Variants in ELP1 observed in about 807,000 individuals in gnomAD.
ELP1 encodes the protein elongator acetyltransferase complex subunit 1, also known as elongator complex protein 1.
In ELP1, 131 loss-of-function variants were observed where a neutral mutation model predicts 183.2. The ratio of observed to expected loss-of-function variants is 0.72; its 90% CI spans 0.62 to 0.83. The LOEUF is 0.83. Ranked by LOEUF, ELP1 falls within the 40% of genes least tolerant of loss-of-function variation. The pLI is 0.00. For missense variants in ELP1, 1,550 were observed against 1,594.9 expected, an observed-to-expected ratio of 0.97 and a Z score of 0.48; for synonymous variants, 555 against 569.0, an observed-to-expected ratio of 0.98 and a Z score of 0.35.
chr9:108,907,148 C>A (rs1587903455), intron 13 of ELP1, among the ~76,000 whole-genome samples: 1 of 152,254 alleles, frequency 6.6e-6, no homozygotes, highest in East Asian at 1.9e-4. Context: ...GAGGATCAGT[C>A]CCACCTCTGG....
In ELP1 at chr9:108,879,989, A is replaced by T. The variant is rs952030874; in HGVS notation, c.3460+63T>A. The stretch of plus-strand genomic sequence containing the variant: ...AGGCGGATCACCAAGCAATCTAGAC[A>T]ATGTGTGGCGTTACCCAACCCCACT... On this transcript the variant is annotated intron_variant, in intron 32 of 36. Transcript: ENST00000374647. 63 of 1,020,336 alleles carry T rather than the reference A, an allele frequency of 6.2e-5. No individual in the cohort carries two copies. The South Asian group carries it at 8.0e-4, about 13-fold the overall frequency. 63.2% of individuals were successfully genotyped at this position (1,020,336 alleles called of 1,614,324 possible).
At chr9:108,885,637 G>A (rs551857953) in intron 29 of ELP1, among the ~76,000 whole-genome samples, 9 of 152,342 alleles carry the variant, frequency 5.9e-5, no homozygotes, top group African/African-American at 2.2e-4. Context: ...GTCAGGTGTT[G>A]GAGTAGCTGA....
chr9:108,881,312 T>C (rs563294674), intron 31 of ELP1, among the ~76,000 whole-genome samples: 2 of 152,338 alleles, frequency 1.3e-5, no homozygotes, highest in South Asian at 2.1e-4. Context: ...GGCAGAGATA[T>C]GATCCTTCAT....
At chr9:108,877,907 A>G (rs1827760296) in intron 35 of ELP1, 88 bp downstream of exon 35, 1 of 1,371,034 alleles carries the variant, frequency 7.3e-7, no homozygotes, top group Non-Finnish European at 1.0e-6. Context: ...TTTTAAGAAC[A>G]GGAAAACTTT....
At chr9:108,896,365 T>C (rs1828546311) in intron 25 of ELP1, 131 bp downstream of exon 25, 3 of 817,926 alleles carry the variant, frequency 3.7e-6, no homozygotes. Context: ...CCCTAGAAAC[T>C]CACAGATCTG....
chr9:108,869,061 A>G lies in ELP1; in HGVS notation c.*54T>C. On this transcript the variant is annotated 3_prime_UTR_variant, in exon 37 of 37. Coordinates refer to ENST00000374647, the MANE Select transcript of ELP1 (RefSeq NM_003640.5). ...TCAAAGAGCAAGGGGTGGTAGGACA[A>G]CAGGAATGAGTGGAAATGGTCTTCT... The G allele has an allele frequency of 6.7e-7, 1 of 1,492,174 alleles. No homozygotes were observed. Among genetic ancestry groups the G allele is most frequent in the South Asian group, 1.1e-5 (1 of 88,612 alleles). The allele number at this position is 1,492,174 out of a possible 1,614,324, so 92.4% of individuals were successfully genotyped here.
chr9:108,885,207 C>G (rs951686143), intron 29 of ELP1, among the ~76,000 whole-genome samples: 1 of 151,442 alleles, frequency 6.6e-6, no homozygotes, highest in African/African-American at 2.4e-5. Flanking sequence ...ATATAGAATA[C>G]AGAAAAATCA....
intron 29 of ELP1, among the ~76,000 whole-genome samples, chr9:108,885,809 T>C (rs1828102068): frequency 6.6e-6 from 1 of 152,086 alleles, no homozygotes; most frequent in Non-Finnish European, 1.5e-5. Context: ...TGAGGGTTGG[T>C]TCACTGTTGA....
rs773862742 is a variant in ELP1, at chr9:108,930,965, C to G, written c.150+32G>C. 2.5e-6 allele frequency: 4 copies of G among 1,611,496 alleles called. No homozygotes were observed. The East Asian group carries it at 8.9e-5, about 36-fold the overall frequency. On this transcript the variant is annotated intron_variant, in intron 2 of 36. Coordinates refer to ENST00000374647, the MANE Select transcript of ELP1 (RefSeq NM_003640.5). The stretch of plus-strand genomic sequence containing the variant: ...GAAGAAGAGAAATCAAGGGTCATAC[C>G]CACATGCTGGCATTCTACATCAGTA...
intron 22 of ELP1, among the ~76,000 whole-genome samples, 158 bp downstream of exon 22, chr9:108,898,334 TAAAAAGAACG>T (rs1225045298): frequency 6.6e-6 from 1 of 152,144 alleles, no homozygotes. Flanking sequence ...CAGGCTGTTT[TAAAAAGAACG>T]GAAAAGAGCA....
intron 33 of ELP1, among the ~76,000 whole-genome samples, 157 bp from the exon 34 acceptor site, chr9:108,878,907 T>C (rs1000344298): frequency 6.6e-6 from 1 of 152,218 alleles, no homozygotes; most frequent in Non-Finnish European, 1.5e-5. Context: ...AGTTTGAATA[T>C]ATAATCTTGC....
intron 36 of ELP1, among the ~76,000 whole-genome samples, chr9:108,872,832 A>C (rs1472313525): frequency 2.1e-5 from 3 of 144,084 alleles, no homozygotes; most frequent in African/African-American, 7.7e-5. Context: ...AAAAAAAAAA[A>C]AAAAAAACTA....
At chr9:108,879,762 C>T (rs1452016535) in intron 32 of ELP1, among the ~76,000 whole-genome samples, 1 of 152,100 alleles carries the variant, frequency 6.6e-6, no homozygotes, top group Non-Finnish European at 1.5e-5. Context: ...GAACTTTTTT[C>T]TGGAAATGAG....
At chr9:108,903,433 G>A in intron 15 of ELP1, 130 bp downstream of exon 15, 1 of 717,942 alleles carries the variant, frequency 1.4e-6, no homozygotes, top group East Asian at 2.7e-5. Flanking sequence ...CCACTCTAAA[G>A]CTTAGGGTTT....
chr9:108,897,275 C>T lies in ELP1; in HGVS notation c.2374G>A (p.Val792Ile), dbSNP rs546587836. 9 of 1,613,988 alleles carry T rather than the reference C, an allele frequency of 5.6e-6. No homozygotes were observed. The highest frequency in any genetic ancestry group is 7.6e-6 in the Non-Finnish European group (9 of 1,180,034). ...GGTGCAGGGTACATGGTCTTCGTGA[C>T]ATCTTCTTCTCTAAGAACAGGTGTG... ...LFFTELKEED[V>I]TKTMYPAPVT... The change falls in exon 23 of 37, where the codon GTC (valine) becomes ATC (isoleucine). Residue 792 changes from valine (V) to isoleucine (I), a missense_variant. Physicochemically the swap from Val to Ile is conservative, Grantham distance 29. Coordinates refer to ENST00000374647, the MANE Select transcript of ELP1 (RefSeq NM_003640.5).
rs1207014363 is a variant in ELP1, at chr9:108,878,645, C to T, written c.3678G>A (p.Val1226=). 1.2e-6 allele frequency: 2 copies of T among 1,614,232 alleles called. No homozygotes were observed. The highest frequency in any genetic ancestry group is 1.7e-5 in the Admixed American group (1 of 60,024). ...TACCTTTCAGGTTTTCAGTGTTCTG[C>T]ACCACTTCACTCAGTGCCTCCAGGA... ...LALLEALSEV[V]QNTENLKDEV... is the part of the protein sequence containing the mutation. Residue 1226 remains valine (V), a synonymous_variant, in exon 34 of 37, where the codon GTG becomes GTA. Transcript: ENST00000374647.
rs559783255 is a variant in ELP1 at position 108,875,724 on chromosome 9, C to T, written c.3856-754G>A. On this transcript the variant is annotated intron_variant, in intron 35 of 36. Coordinates refer to ENST00000374647, the MANE Select transcript of ELP1 (RefSeq NM_003640.5). ...AGCTTGGGCAACACAGCAAGACTCC[C>T]TCTCCCCATGTCTAGGAAAAAATTT... The T allele has an allele frequency of 5.8e-5, 25 of 428,478 alleles. No homozygotes were observed. In the Middle Eastern group the frequency reaches 1.0e-3, roughly 17 times the overall value. 26.5% of individuals were successfully genotyped at this position (428,478 alleles called of 1,614,324 possible).
chr9:108,887,938 T>A (rs1204924261), intron 29 of ELP1, among the ~76,000 whole-genome samples: 1 of 152,228 alleles, frequency 6.6e-6, no homozygotes, highest in Non-Finnish European at 1.5e-5. Context: ...GGATGTGGCA[T>A]TCCTACTCCT....
intron 10 of ELP1, among the ~76,000 whole-genome samples, chr9:108,914,052 G>C (rs1236412168): frequency 6.6e-6 from 1 of 152,054 alleles, no homozygotes; most frequent in African/African-American, 2.4e-5. Flanking sequence ...GGTGTGGCCA[G>C]GGTTAAGAAC....
Sources: gnomAD v4.1 joint callset for allele counts (sites outside exome capture counted in the v4.1 genomes callset) on GRCh38, gnomAD v4.1.1 for gene constraint, MANE v1.5 for transcripts, NCBI Gene and HGNC (gene_info 2026-07-23, HGNC 2026-07-21) for gene names.